The following CBFA2T3 variants were observed in gnomAD, a reference collection of about 807,000 sequenced individuals.
CBFA2T3 encodes the protein CBFA2/RUNX1 partner transcriptional co-repressor 3.
Under a neutral mutation model 58.6 loss-of-function variants are expected in CBFA2T3, and 31 were observed. The ratio of observed to expected loss-of-function variants is 0.53; its 90% CI spans 0.40 to 0.71. The LOEUF (loss-of-function observed/expected upper bound fraction) is 0.71. Among genes scored for constraint, CBFA2T3 ranks in the 30% least tolerant of loss-of-function variants. The pLI is 0.00. For missense variants in CBFA2T3, 1,076 were observed against 963.1 expected (o/e 1.12, Z -1.55); for synonymous variants, 531 against 421.9 (o/e 1.26, Z -3.17).
chr16:88,943,274 G>T (rs914893154), intron 1 of CBFA2T3, among the ~76,000 whole-genome samples: 2 of 152,226 alleles, frequency 1.3e-5, no homozygotes, highest in Non-Finnish European at 2.9e-5. Context: ...AGCTGGCCTG[G>T]ACCTGGGCCG....
intron 1 of CBFA2T3, among the ~76,000 whole-genome samples, chr16:88,911,349 G>A (rs543672991): frequency 5.3e-5 from 8 of 152,378 alleles, no homozygotes; most frequent in African/African-American, 1.2e-4. Flanking sequence ...CTGTGAACTC[G>A]GGGTGGGGGC....
Position 88,880,806 on chromosome 16 carries a change from G to A in CBFA2T3, c.1403-18C>T, listed in dbSNP as rs1342208976. On this transcript the variant is annotated intron_variant, in intron 9 of 11. Coordinates refer to ENST00000268679, the MANE Select transcript of CBFA2T3 (RefSeq NM_005187.6). ...AGGCACGTCTGAAACAGGGGCCGGC[G>A]TCACACAGGATGGGCCACGCGGCTG... The A allele has an allele frequency of 7.6e-6, 12 of 1,570,714 alleles. No homozygotes were observed. Among genetic ancestry groups the A allele is most frequent in the Admixed American group, 1.8e-5 (1 of 54,860 alleles).
chr16:88,944,478 A>G (rs1045229734), intron 1 of CBFA2T3, among the ~76,000 whole-genome samples: 2 of 152,048 alleles, frequency 1.3e-5, no homozygotes, highest in Admixed American at 6.5e-5. Flanking sequence ...GCCTGGCTCT[A>G]GGGCCCGCGG....
chr16:88,901,460 C>G lies in CBFA2T3; in HGVS notation c.304+44G>C, dbSNP rs1392808955. The G allele has an allele frequency of 8.0e-6, 9 of 1,124,550 alleles. No individual in the cohort carries two copies. In the Admixed American group the frequency reaches 9.0e-5, roughly 11 times the overall value. The allele number at this position is 1,124,550 out of a possible 1,614,324, so 69.7% of individuals were successfully genotyped here. On this transcript the variant is annotated intron_variant, in intron 2 of 11. Coordinates refer to ENST00000268679, the MANE Select transcript of CBFA2T3 (RefSeq NM_005187.6). ...GAATTTCAAACAACACAAGGGCCTC[C>G]CCTGAAACACCTGGCCCTCGGCTGC...
At chr16:88,963,659 G>A (rs1051065305) in intron 1 of CBFA2T3, among the ~76,000 whole-genome samples, 1 of 152,212 alleles carries the variant, frequency 6.6e-6, no homozygotes, top group Non-Finnish European at 1.5e-5. Context: ...TTCACTTAGT[G>A]TGATGTTCTC....
chr16:88,942,156 C>T (rs1971765406), intron 1 of CBFA2T3, among the ~76,000 whole-genome samples: 1 of 152,202 alleles, frequency 6.6e-6, no homozygotes, highest in Non-Finnish European at 1.5e-5. Context: ...CTGCCCTCTC[C>T]GCACTTTCTC....
chr16:88,876,898 C>T lies in CBFA2T3; in HGVS notation c.*78G>A. 8.4e-7 allele frequency: 1 copy of T among 1,186,376 alleles called. No homozygotes were observed. The highest frequency in any genetic ancestry group is 1.1e-6 in the Non-Finnish European group (1 of 898,116). 73.5% of individuals were successfully genotyped at this position (1,186,376 alleles called of 1,614,324 possible). ...GTCTGGCAGGCCAGGCATCGGAGGC[C>T]AGGCACAGCATCCGGTGGGCCTGGA... On this transcript the variant is annotated 3_prime_UTR_variant, in exon 12 of 12. Coordinates refer to ENST00000268679, the MANE Select transcript of CBFA2T3 (RefSeq NM_005187.6).
chr16:88,967,862 G>A (rs943688247), intron 1 of CBFA2T3, among the ~76,000 whole-genome samples: 1 of 152,228 alleles, frequency 6.6e-6, no homozygotes, highest in African/African-American at 2.4e-5. Context: ...TCCAGCGGGG[G>A]TCGGCGTGAG....
intron 1 of CBFA2T3, among the ~76,000 whole-genome samples, chr16:88,904,067 C>T (rs969704354): frequency 6.6e-6 from 1 of 152,242 alleles, no homozygotes; most frequent in Non-Finnish European, 1.5e-5. Flanking sequence ...GGAGTCACCA[C>T]AGCCGTCACC....
intron 5 of CBFA2T3, among the ~76,000 whole-genome samples, chr16:88,889,050 A>G (rs11641738): frequency 0.27 from 41,093 of 151,638 alleles, 6,037 homozygotes; most frequent in East Asian, 0.51. Context: ...CCTGATCCTC[A>G]GTTAAGCAAG....
intron 1 of CBFA2T3, among the ~76,000 whole-genome samples, chr16:88,909,999 G>T (rs7188593): frequency 0.19 from 28,939 of 152,228 alleles, 3,129 homozygotes; most frequent in Non-Finnish European, 0.24. Context: ...CTCCCACGGC[G>T]GCTCCCCAGC....
rs961435102 is a variant in CBFA2T3 at position 88,882,268 on chromosome 16, G to A, written c.1203+408C>T. On this transcript the variant is annotated intron_variant, in intron 8 of 11. Coordinates refer to ENST00000268679, the MANE Select transcript of CBFA2T3 (RefSeq NM_005187.6). ...GGCCCCATGGGGCAGAGCCATGGCCGTGTTTATGCATAGGCATACAGGTGT... is the reference window on the plus strand; with the variant it reads ...GGCCCCATGGGGCAGAGCCATGGCCATGTTTATGCATAGGCATACAGGTGT... Among the ~76,000 whole-genome samples, 34 of 152,354 alleles carry A rather than the reference G, an allele frequency of 2.2e-4. 1 individual carries two copies. The highest frequency in any genetic ancestry group is 3.4e-3 in the Middle Eastern group (1 of 294).
chr16:88,915,016 TGGAG>T (rs1364376469), intron 1 of CBFA2T3, among the ~76,000 whole-genome samples: 1 of 130,042 alleles, frequency 7.7e-6, no homozygotes, highest in African/African-American at 2.9e-5. Flanking sequence ...GGGGCAGGGG[TGGAG>T]GGAGGAAGGG....
At chr16:88,961,938 A>G (rs1972371121) in intron 1 of CBFA2T3, among the ~76,000 whole-genome samples, 1 of 146,860 alleles carries the variant, frequency 6.8e-6, no homozygotes, top group Non-Finnish European at 1.5e-5. Context: ...CTCCATAGTA[A>G]CCGACACTCA....
intron 1 of CBFA2T3, among the ~76,000 whole-genome samples, chr16:88,924,366 C>A (rs976523681): frequency 1.3e-5 from 2 of 152,196 alleles, no homozygotes; most frequent in South Asian, 2.1e-4. Flanking sequence ...CTGGGGCCGC[C>A]GACCACAAGG....
At chr16:88,917,165 C>T (rs989007629) in intron 1 of CBFA2T3, among the ~76,000 whole-genome samples, 4 of 152,110 alleles carry the variant, frequency 2.6e-5, no homozygotes, top group African/African-American at 7.2e-5. Context: ...TGACCCCAGG[C>T]CCGGGCTGCA....
intron 1 of CBFA2T3, among the ~76,000 whole-genome samples, chr16:88,906,721 G>A (rs8046274): frequency 0.068 from 10,341 of 152,242 alleles, 706 homozygotes; most frequent in African/African-American, 0.17. Context: ...CTGTCACTAC[G>A]CCCACTTTCT....
intron 1 of CBFA2T3, among the ~76,000 whole-genome samples, chr16:88,929,880 C>T (rs1157334925): frequency 6.7e-6 from 1 of 149,458 alleles, no homozygotes; most frequent in Non-Finnish European, 1.5e-5. Flanking sequence ...CTGCATCATC[C>T]ACGCAAAAGT....
intron 1 of CBFA2T3, among the ~76,000 whole-genome samples, chr16:88,970,198 G>A (rs1051179070): frequency 3.3e-5 from 5 of 151,910 alleles, no homozygotes; most frequent in Non-Finnish European, 7.4e-5. Flanking sequence ...CGGTGGCGGC[G>A]GCCCCAAGCC....
Sources: gnomAD v4.1 joint callset for allele counts (sites outside exome capture counted in the v4.1 genomes callset) on GRCh38, gnomAD v4.1.1 for gene constraint, MANE v1.5 for transcripts, NCBI Gene and HGNC (gene_info 2026-07-23, HGNC 2026-07-21) for gene names.